Variants in ADK observed in about 807,000 individuals in gnomAD.
ADK encodes the protein N6,N6-dimethyladenosine kinase.
In ADK, 24 loss-of-function variants were observed where a neutral mutation model predicts 44.7. The ratio of observed to expected loss-of-function variants is 0.54; its 90% confidence interval spans 0.39 to 0.76. ADK has a LOEUF of 0.76. Among genes scored for constraint, ADK ranks in the 30% least tolerant of loss-of-function variants. The pLI is 0.00. For synonymous variants in ADK, 128 were observed against 142.6 expected, an observed-to-expected ratio of 0.90 and a Z score of 0.73; for missense variants, 321 against 425.1, an observed-to-expected ratio of 0.76 and a Z score of 2.15.
intron 3 of ADK, among the ~76,000 whole-genome samples, chr10:74,297,537 C>T (rs928628207): frequency 6.6e-6 from 1 of 152,076 alleles, no homozygotes; most frequent in African/African-American, 2.4e-5. Context: ...GTATAATACT[C>T]ATTAATTTAT....
At chr10:74,304,424 T>A (rs1343480806) in intron 3 of ADK, among the ~76,000 whole-genome samples, 1 of 152,188 alleles carries the variant, frequency 6.6e-6, no homozygotes, top group African/African-American at 2.4e-5. Context: ...GAAGCAAGTA[T>A]AAACACCTTA....
intron 2 of ADK, 88 bp downstream of exon 2, chr10:74,200,926 A>C: frequency 1.1e-6 from 1 of 889,582 alleles, no homozygotes; most frequent in Non-Finnish European, 1.8e-6. Context: ...TTACCACCGA[A>C]TGTCTTCAAT....
rs565441675 is a variant in ADK at position 74,218,239 on chromosome 10, C to G, written c.141-6299C>G. ...TGAAGAATGCAGAAGCCTCAGGAGC[C>G]GATGTGATCAACTGGAAGAAAGGGT... On this transcript the variant is annotated intron_variant, in intron 2 of 10. Coordinates refer to ENST00000539909, the MANE Select transcript of ADK (RefSeq NM_006721.4). Among the ~76,000 whole-genome samples the G allele has an allele frequency of 2.2e-3, 331 of 151,862 alleles. 2 individuals carry two copies. The highest frequency in any genetic ancestry group is 7.6e-3 in the African/African-American group (313 of 41,372).
intron 7 of ADK, among the ~76,000 whole-genome samples, chr10:74,554,284 C>T (rs1209697142): frequency 6.6e-6 from 1 of 152,060 alleles, no homozygotes; most frequent in Non-Finnish European, 1.5e-5. Flanking sequence ...TATCCTCTGC[C>T]TCCCTCCTCA....
At chr10:74,227,807 C>T (rs1227565043) in intron 3 of ADK, among the ~76,000 whole-genome samples, 1 of 151,984 alleles carries the variant, frequency 6.6e-6, no homozygotes, top group Non-Finnish European at 1.5e-5. Flanking sequence ...CACGCTACTG[C>T]ACTCCAGCCT....
chr10:74,238,733 C>T lies in ADK; in HGVS notation c.194+14142C>T, dbSNP rs577469062. Among the ~76,000 whole-genome samples, 764 of 151,814 alleles carry T rather than the reference C, an allele frequency of 5.0e-3. 6 individuals carry two copies. The highest frequency in any genetic ancestry group is 8.4e-3 in the African/African-American group (346 of 41,416). On this transcript the variant is annotated intron_variant, in intron 3 of 10. Coordinates refer to ENST00000539909, the MANE Select transcript of ADK (RefSeq NM_006721.4). The stretch of plus-strand genomic sequence containing the variant: ...AATTTTCAGGCTCTTTGGTTTTATT[C>T]TAAGCAACCCAGCAGGGCACCTTTA...
intron 3 of ADK, among the ~76,000 whole-genome samples, chr10:74,289,726 ATTTCTCTCAGTTTAC>A (rs781127743): frequency 2.6e-5 from 4 of 151,894 alleles, no homozygotes; most frequent in Admixed American, 1.3e-4. Flanking sequence ...CTTTAAGAAA[ATTTCTCTCAGTTTAC>A]TTTCTTAATC....
At chr10:74,208,490 T>C (rs1843684467) in intron 2 of ADK, among the ~76,000 whole-genome samples, 1 of 152,248 alleles carries the variant, frequency 6.6e-6, no homozygotes, top group Non-Finnish European at 1.5e-5. Context: ...TGAAGTTCTA[T>C]TTTATATTTG....
At chr10:74,400,862 A>C (rs569051315) in intron 6 of ADK, among the ~76,000 whole-genome samples, 1 of 152,356 alleles carries the variant, frequency 6.6e-6, no homozygotes, top group Non-Finnish European at 1.5e-5. Context: ...CCAAACTAGC[A>C]GTGTTTCATG....
At chr10:74,601,544 T>C (rs1362396018) in intron 9 of ADK, among the ~76,000 whole-genome samples, 1 of 152,080 alleles carries the variant, frequency 6.6e-6, no homozygotes, top group East Asian at 1.9e-4. Flanking sequence ...CAGTGAGTGG[T>C]AGATAAAGTG....
chr10:74,428,076 A>G (rs930891735), intron 6 of ADK, among the ~76,000 whole-genome samples: 1 of 152,034 alleles, frequency 6.6e-6, no homozygotes, highest in Non-Finnish European at 1.5e-5. Flanking sequence ...TCCTGCCTTC[A>G]TTGTCATATG....
chr10:74,696,812 A>C (rs1325040794), intron 10 of ADK, among the ~76,000 whole-genome samples: 2 of 152,226 alleles, frequency 1.3e-5, no homozygotes, highest in African/African-American at 4.8e-5. Flanking sequence ...TCTTAAAAAT[A>C]AATAATCTCT....
At chr10:74,347,396 T>A (rs1428801529) in intron 4 of ADK, among the ~76,000 whole-genome samples, 1 of 151,912 alleles carries the variant, frequency 6.6e-6, no homozygotes, top group African/African-American at 2.4e-5. Flanking sequence ...CCAGATACCA[T>A]GATTTTCCTA....
chr10:74,398,666 C>CT, intron 6 of ADK, 87 bp downstream of exon 6: 1 of 693,100 alleles, frequency 1.4e-6, no homozygotes, highest in East Asian at 3.0e-5. Context: ...AAATAATTAT[C>CT]TTTTATTTAC....
At chr10:74,535,012 T>G (rs1480527919) in intron 7 of ADK, among the ~76,000 whole-genome samples, 1 of 152,198 alleles carries the variant, frequency 6.6e-6, no homozygotes, top group African/African-American at 2.4e-5. Flanking sequence ...TTAAGGTTGG[T>G]TCCAAAACTA....
At position 74,580,743 on chromosome 10, in the gene ADK, G is replaced by A. The variant is rs143672915; in HGVS notation, c.727-8539G>A. On this transcript the variant is annotated intron_variant, in intron 7 of 10. Transcript: ENST00000539909. ...ACCTCTTTCTTTTGTAAACTGCCCA[G>A]TCTTGGGTATGTCTTTATCAGCAGC... Among the ~76,000 whole-genome samples, 752 of 152,208 alleles carry A rather than the reference G, an allele frequency of 4.9e-3. 9 individuals carry two copies. The highest frequency in any genetic ancestry group is 0.018 in the African/African-American group (731 of 41,488).
At chr10:74,453,318 C>T (rs989660081) in intron 6 of ADK, among the ~76,000 whole-genome samples, 1 of 152,040 alleles carries the variant, frequency 6.6e-6, no homozygotes, top group African/African-American at 2.4e-5. Flanking sequence ...CTCTAATTAC[C>T]TCAGCTTGGA....
chr10:74,553,749 T>C (rs1035890018), intron 7 of ADK, among the ~76,000 whole-genome samples: 10 of 152,194 alleles, frequency 6.6e-5, no homozygotes, highest in Non-Finnish European at 1.3e-4. Flanking sequence ...TTTCTGGGAT[T>C]ATAGAAATGT....
chr10:74,633,644 C>T (rs1200807675), intron 9 of ADK, among the ~76,000 whole-genome samples: 1 of 152,182 alleles, frequency 6.6e-6, no homozygotes, highest in Non-Finnish European at 1.5e-5. Flanking sequence ...TAGCTCATGT[C>T]AGAACAGCCC....
Sources: gnomAD v4.1 joint callset for allele counts (sites outside exome capture counted in the v4.1 genomes callset) on GRCh38, gnomAD v4.1.1 for gene constraint, MANE v1.5 for transcripts, NCBI Gene and HGNC (gene_info 2026-07-23, HGNC 2026-07-21) for gene names.